Variants in NAV2 observed in about 807,000 individuals in gnomAD.
NAV2 encodes neuron navigator 2, also known as helicase, APC down-regulated 1.
NAV2 carries 54 observed loss-of-function variants against 223.2 expected under a neutral mutation model. The observed-to-expected ratio is 0.24, with a 90% CI of 0.19 to 0.30. The LOEUF (loss-of-function observed/expected upper bound fraction) is 0.30. Among genes scored for constraint, NAV2 ranks in the 10% least tolerant of loss-of-function variants. NAV2 has a pLI of 1.00. For synonymous variants in NAV2, 1,279 were observed against 1,239.3 expected (o/e 1.03, Z -0.67); for missense variants, 2,806 against 3,147.5 (o/e 0.89, Z 2.60).
chr11:20,044,200 G>C lies in NAV2; in HGVS notation c.3127G>C (p.Ala1043Pro). 6.2e-7 allele frequency: 1 copy of C among 1,614,194 alleles called. No individual in the cohort carries two copies. The highest frequency in any genetic ancestry group is 8.5e-7 in the Non-Finnish European group (1 of 1,180,018). Residue 1043 changes from alanine (A) to proline (P), a missense_variant, in exon 13 of 38, where the codon GCT (alanine) becomes CCT (proline). By Grantham distance (27) the Ala-to-Pro change is conservative. This residue lies in a region of NAV2 where 742 missense variants were observed against 777.9 expected (regional missense o/e 0.95). Coordinates refer to ENST00000349880, the MANE Select transcript of NAV2 (RefSeq NM_145117.5). ...QTGSWRRGMT[A>P]QVGITMPRTK... The stretch of plus-strand genomic sequence containing the variant: ...AGGCTCATGGCGGCGAGGCATGACA[G>C]CTCAGGTGGGCATCACCATGCCAAG...
At chr11:19,575,016 G>A (rs1005178884) in intron 1 of NAV2, among the ~76,000 whole-genome samples, 23 of 152,176 alleles carry the variant, frequency 1.5e-4, no homozygotes, top group African/African-American at 5.1e-4. Flanking sequence ...CTAATGGGAA[G>A]TGCCCAGTAA....
At chr11:19,984,606 C>T (rs1391678618) in intron 11 of NAV2, among the ~76,000 whole-genome samples, 1 of 152,132 alleles carries the variant, frequency 6.6e-6, no homozygotes, top group African/African-American at 2.4e-5. Context: ...AGGTATTGCA[C>T]CTTGTGGCAC....
chr11:19,635,014 TAA>T (rs1288274508), intron 1 of NAV2, among the ~76,000 whole-genome samples: 1 of 152,198 alleles, frequency 6.6e-6, no homozygotes, highest in Non-Finnish European at 1.5e-5. Context: ...CTTCAAACAA[TAA>T]AAGTGTGTTT....
chr11:19,686,457 G>A (rs1303230624), intron 1 of NAV2, among the ~76,000 whole-genome samples: 2 of 152,098 alleles, frequency 1.3e-5, no homozygotes, highest in Non-Finnish European at 2.9e-5. Context: ...GTGGTCTCAG[G>A]GTGGCTCACA....
At chr11:20,010,155 C>T (rs2053445432) in intron 11 of NAV2, among the ~76,000 whole-genome samples, 1 of 151,802 alleles carries the variant, frequency 6.6e-6, no homozygotes, top group Non-Finnish European at 1.5e-5. Context: ...CCCAAGCCTG[C>T]ATCTCTCAAA....
chr11:19,926,514 C>T (rs947073866), intron 6 of NAV2, among the ~76,000 whole-genome samples: 9 of 152,114 alleles, frequency 5.9e-5, no homozygotes, highest in Admixed American at 1.3e-4. Flanking sequence ...CTTGCAGAAC[C>T]TCTAAGTGGA....
intron 1 of NAV2, among the ~76,000 whole-genome samples, chr11:19,733,857 G>A (rs540208484): frequency 2.0e-5 from 3 of 152,214 alleles, no homozygotes; most frequent in Non-Finnish European, 4.4e-5. Context: ...GATGGTGGTA[G>A]TTGTGATAGT....
intron 1 of NAV2, among the ~76,000 whole-genome samples, chr11:19,449,396 CAA>C (rs1227657149): frequency 3.3e-5 from 4 of 122,018 alleles, no homozygotes; most frequent in Admixed American, 8.4e-5. Flanking sequence ...GACTCCATCT[CAA>C]AAAAAAAAAA....
intron 1 of NAV2, among the ~76,000 whole-genome samples, chr11:19,355,628 C>T (rs1853574488): frequency 6.6e-6 from 1 of 152,224 alleles, no homozygotes; most frequent in African/African-American, 2.4e-5. Context: ...TTTCTAGTCT[C>T]ACTGCTACCA....
At chr11:19,567,549 C>G (rs2045306103) in intron 1 of NAV2, among the ~76,000 whole-genome samples, 10 of 152,194 alleles carry the variant, frequency 6.6e-5, no homozygotes, top group Admixed American at 6.5e-4. Flanking sequence ...GGCATTAATT[C>G]TAGGCTTTCT....
chr11:19,588,462 C>T (rs16937030), intron 1 of NAV2, among the ~76,000 whole-genome samples: 2,388 of 152,194 alleles, frequency 0.016, 39 homozygotes, highest in African/African-American at 0.044. Flanking sequence ...TGAATTCTGA[C>T]GGCAAGCATG....
chr11:19,834,947 G>C (rs545997304), intron 2 of NAV2, among the ~76,000 whole-genome samples: 13 of 152,294 alleles, frequency 8.5e-5, no homozygotes, highest in African/African-American at 2.9e-4. Flanking sequence ...GATAGCACTT[G>C]GCAGCAGCTA....
intron 1 of NAV2, among the ~76,000 whole-genome samples, chr11:19,516,264 C>T (rs2043444110): frequency 1.3e-5 from 2 of 152,124 alleles, no homozygotes; most frequent in African/African-American, 2.4e-5. Flanking sequence ...GACATAGGCC[C>T]CTCTTTCTCC....
chr11:19,413,241 G>A (rs1208035098), intron 1 of NAV2, among the ~76,000 whole-genome samples: 1 of 152,106 alleles, frequency 6.6e-6, no homozygotes, highest in Non-Finnish European at 1.5e-5. Context: ...TGACCTGATG[G>A]AGCTGAAAAA....
chr11:19,805,204 G>A (rs536759971), intron 1 of NAV2, among the ~76,000 whole-genome samples: 48 of 152,306 alleles, frequency 3.2e-4, no homozygotes, highest in African/African-American at 1.1e-3. Flanking sequence ...AGATGAGGCA[G>A]TCTTAATGAT....
chr11:19,987,554 C>A (rs115367625), intron 11 of NAV2, among the ~76,000 whole-genome samples: 328 of 152,334 alleles, frequency 2.2e-3, no homozygotes, highest in African/African-American at 7.6e-3. Flanking sequence ...CCTTAAGGGA[C>A]GCTGGCCTAC....
At chr11:19,426,856 C>G (rs990311782) in intron 1 of NAV2, among the ~76,000 whole-genome samples, 12 of 152,328 alleles carry the variant, frequency 7.9e-5, no homozygotes, top group African/African-American at 2.9e-4. Context: ...TGTGAAGAAT[C>G]TTCATACTTT....
At chr11:19,596,761 A>G (rs1371809706) in intron 1 of NAV2, among the ~76,000 whole-genome samples, 2 of 152,224 alleles carry the variant, frequency 1.3e-5, no homozygotes, top group Non-Finnish European at 2.9e-5. Flanking sequence ...AAATGATGGC[A>G]CTACTTCCGA....
intron 6 of NAV2, among the ~76,000 whole-genome samples, chr11:19,908,991 C>T (rs2043099926): frequency 1.3e-5 from 2 of 152,062 alleles, no homozygotes; most frequent in African/African-American, 4.8e-5. Flanking sequence ...CATTGAATCA[C>T]TCTAAATGCA....
Sources: gnomAD v4.1 joint callset for allele counts (sites outside exome capture counted in the v4.1 genomes callset) on GRCh38, gnomAD v4.1.1 for gene constraint, gnomAD v4.1.1 regional missense constraint, MANE v1.5 for transcripts, NCBI Gene and HGNC (gene_info 2026-07-23, HGNC 2026-07-21) for gene names.